Variants in NPFFR2 observed in about 807,000 individuals in gnomAD.
NPFFR2 encodes the protein G-protein coupled receptor 74.
In NPFFR2, 15 loss-of-function variants were observed where a neutral mutation model predicts 13.1. That is an observed-to-expected ratio of 1.15 (90% CI 0.77 to 1.76). The LOEUF is 1.76. NPFFR2 is among the 40% of genes most tolerant of loss of function. The probability of loss-of-function intolerance (pLI) is 0.00; values close to 1 mark genes in which losing one functional copy is unlikely to be tolerated. For missense variants in NPFFR2, 572 were observed against 503.5 expected, an observed-to-expected ratio of 1.14 and a Z score of -1.30; for synonymous variants, 190 against 175.7, an observed-to-expected ratio of 1.08 and a Z score of -0.65.
chr4:72,119,780 C>T (rs1470725509), intron 1 of NPFFR2, among the ~76,000 whole-genome samples: 1 of 152,206 alleles, frequency 6.6e-6, no homozygotes, highest in Non-Finnish European at 1.5e-5. Context: ...GTCTTTGCAA[C>T]CTGCAGACCA....
chr4:72,054,734 A>T, intron 1 of NPFFR2, among the ~76,000 whole-genome samples: 1 of 151,944 alleles, frequency 6.6e-6, no homozygotes, highest in East Asian at 1.9e-4. Flanking sequence ...TTGAAAATAT[A>T]TATTTTACAA....
chr4:72,040,717 AATG>A (rs1719185185), intron 1 of NPFFR2, among the ~76,000 whole-genome samples: 1 of 152,138 alleles, frequency 6.6e-6, no homozygotes, highest in East Asian at 1.9e-4. Flanking sequence ...ACATATTTTA[AATG>A]ATATTATATT....
At chr4:72,111,640 G>A (rs1721570997) in intron 1 of NPFFR2, among the ~76,000 whole-genome samples, 1 of 151,850 alleles carries the variant, frequency 6.6e-6, no homozygotes, top group African/African-American at 2.4e-5. Context: ...ATTTATTCTA[G>A]GACAACATAG....
chr4:72,146,909 T>C lies in NPFFR2; in HGVS notation c.429-69T>C, dbSNP rs1722796703. On this transcript the variant is annotated intron_variant, in intron 3 of 3. Coordinates refer to ENST00000308744, the MANE Select transcript of NPFFR2 (RefSeq NM_004885.3). Reference sequence around the variant, plus strand: ...GGTGAGAGGCCTGTAACTACATAAATAAATTTGGTGTATGACTTGGTCAGA... The same window carrying C: ...GGTGAGAGGCCTGTAACTACATAAACAAATTTGGTGTATGACTTGGTCAGA... 3.8e-6 allele frequency: 4 copies of C among 1,051,236 alleles called. No individual in the cohort carries two copies. In the African/African-American group the frequency reaches 6.4e-5, roughly 17 times the overall value. The allele number at this position is 1,051,236 out of a possible 1,614,324, so 65.1% of individuals were successfully genotyped here.
intron 1 of NPFFR2, among the ~76,000 whole-genome samples, chr4:72,065,104 A>C (rs1391798488): frequency 6.6e-6 from 1 of 152,068 alleles, no homozygotes. Context: ...AAAAAAAAAA[A>C]CAAAGCTTAT....
intron 1 of NPFFR2, among the ~76,000 whole-genome samples, chr4:72,080,535 G>T (rs1380837570): frequency 6.6e-6 from 1 of 152,068 alleles, no homozygotes; most frequent in African/African-American, 2.4e-5. Flanking sequence ...ATGTTTCATG[G>T]ACCTGCAGCT....
chr4:72,119,498 A>G (rs1721806207), intron 1 of NPFFR2, among the ~76,000 whole-genome samples: 1 of 152,192 alleles, frequency 6.6e-6, no homozygotes, highest in African/African-American at 2.4e-5. Flanking sequence ...AAGATGGCCT[A>G]ATAGAAACAG....
In NPFFR2 at chr4:72,054,924, G is replaced by A. The variant is rs149371011; in HGVS notation, c.-8+22724G>A. Among the ~76,000 whole-genome samples, 829 of 151,924 alleles carry A rather than the reference G, an allele frequency of 5.5e-3. 5 individuals carry two copies. The highest frequency in any genetic ancestry group is 0.019 in the African/African-American group (795 of 41,470). On this transcript the variant is annotated intron_variant, in intron 1 of 3. Transcript: ENST00000308744. Reference sequence around the variant, plus strand: ...CTACACCATCATCCTCAACAAGGGTGATATCATCCCCAAGGTAGCAAAAAT... The same window carrying A: ...CTACACCATCATCCTCAACAAGGGTAATATCATCCCCAAGGTAGCAAAAAT...
chr4:72,032,151 C>A lies in NPFFR2; in HGVS notation c.-57C>A. On this transcript the variant is annotated 5_prime_UTR_variant, in exon 1 of 4. Coordinates refer to ENST00000308744, the MANE Select transcript of NPFFR2 (RefSeq NM_004885.3). ...CAGGGACAGAACCTGTTGCTGCAGA[C>A]GGGCTTGGTGGATTCTGGTTCCTGC... The A allele has an allele frequency of 1.2e-6, 2 of 1,613,768 alleles. No homozygotes were observed. Among genetic ancestry groups the A allele is most frequent in the Non-Finnish European group, 1.7e-6 (2 of 1,179,820 alleles).
chr4:72,064,386 C>A (rs1488381078), intron 1 of NPFFR2, among the ~76,000 whole-genome samples: 1 of 152,148 alleles, frequency 6.6e-6, no homozygotes, highest in Non-Finnish European at 1.5e-5. Context: ...CTGAGGCCAC[C>A]CTCAGTTCCC....
chr4:72,116,939 C>G (rs1721729546), intron 1 of NPFFR2, among the ~76,000 whole-genome samples: 1 of 152,098 alleles, frequency 6.6e-6, no homozygotes, highest in Non-Finnish European at 1.5e-5. Context: ...GTAAAACCCC[C>G]TACCCCAAAC....
chr4:72,051,858 T>A lies in NPFFR2; in HGVS notation c.-8+19658T>A, dbSNP rs1176438245. 2.6e-5 allele frequency among the ~76,000 whole-genome samples: 4 copies of A among 151,350 alleles called. No individual in the cohort carries two copies. In the East Asian group the frequency reaches 7.8e-4, roughly 29 times the overall value. ...AGTACAAACTACCATCAAAGAATAC[T>A]ACAAACACCTCTATGCAAATAAACT... On this transcript the variant is annotated intron_variant, in intron 1 of 3. Transcript: ENST00000308744.
chr4:72,086,748 T>TA (rs1300495971), intron 1 of NPFFR2, among the ~76,000 whole-genome samples: 2 of 152,044 alleles, frequency 1.3e-5, no homozygotes, highest in East Asian at 1.9e-4. Flanking sequence ...TCCCCTTAAA[T>TA]AAAAAATATT....
intron 1 of NPFFR2, among the ~76,000 whole-genome samples, chr4:72,105,465 G>C (rs1166885056): frequency 6.6e-6 from 1 of 151,912 alleles, no homozygotes; most frequent in Non-Finnish European, 1.5e-5. Flanking sequence ...TATTTGTTAA[G>C]AGCAGAAAAA....
chr4:72,058,671 G>A (rs1401276510), intron 1 of NPFFR2, among the ~76,000 whole-genome samples: 2 of 152,032 alleles, frequency 1.3e-5, no homozygotes, highest in Non-Finnish European at 2.9e-5. Context: ...ATTTGACTGA[G>A]TTTTCTACTT....
chr4:72,058,167 G>A (rs1021892971), intron 1 of NPFFR2, among the ~76,000 whole-genome samples: 1 of 151,950 alleles, frequency 6.6e-6, no homozygotes, highest in African/African-American at 2.4e-5. Context: ...TGTTGTGTAG[G>A]AGAATGTGTT....
At chr4:72,105,452 C>A (rs1721391520) in intron 1 of NPFFR2, among the ~76,000 whole-genome samples, 1 of 151,694 alleles carries the variant, frequency 6.6e-6, no homozygotes, top group Non-Finnish European at 1.5e-5. Context: ...AGAAAATTAT[C>A]AGTATTTGTT....
At chr4:72,109,691 T>TC (rs11389037) in intron 1 of NPFFR2, among the ~76,000 whole-genome samples, 152,033 of 152,048 alleles carry the variant, frequency 1, 76,009 homozygotes, top group Non-Finnish European at 1. Context: ...TTCCCTAAAT[T>TC]CCATGAAATT....
At chr4:72,039,758 T>C (rs1438647295) in intron 1 of NPFFR2, among the ~76,000 whole-genome samples, 1 of 152,222 alleles carries the variant, frequency 6.6e-6, no homozygotes, top group Non-Finnish European at 1.5e-5. Flanking sequence ...AACTACTTTA[T>C]CTCCAGGTTT....
Sources: gnomAD v4.1 joint callset for allele counts (sites outside exome capture counted in the v4.1 genomes callset) on GRCh38, gnomAD v4.1.1 for gene constraint, MANE v1.5 for transcripts, NCBI Gene and HGNC (gene_info 2026-07-23, HGNC 2026-07-21) for gene names.